Variants in HECW2 observed in about 807,000 individuals in gnomAD.
HECW2 encodes the protein HECT, C2 and WW domain containing E3 ubiquitin protein ligase 2.
A neutral mutation model predicts 175.2 loss-of-function variants in HECW2; 61 were observed. That is an observed-to-expected ratio of 0.35 (90% confidence interval 0.28 to 0.43). The LOEUF is 0.43. Ranked by LOEUF, HECW2 falls within the 20% of genes least tolerant of loss-of-function variation. The pLI is 1.00. For missense variants in HECW2, 1,524 were observed against 2,000.5 expected (o/e 0.76, Z 4.54); for synonymous variants, 671 against 731.0 (o/e 0.92, Z 1.32).
intron 13 of HECW2, among the ~76,000 whole-genome samples, chr2:196,304,222 G>A (rs917252468): frequency 6.6e-6 from 1 of 152,112 alleles, no homozygotes. Context: ...GCACTTCCTT[G>A]GCAAGGCAGG....
At chr2:196,277,480 G>A (rs111830002) in intron 15 of HECW2, among the ~76,000 whole-genome samples, 2,196 of 152,226 alleles carry the variant, frequency 0.014, 52 homozygotes, top group African/African-American at 0.051. Context: ...GAGACAATAG[G>A]TGCTGGAGAG....
chr2:196,266,439 C>T (rs1297407425), intron 17 of HECW2, among the ~76,000 whole-genome samples: 1 of 152,096 alleles, frequency 6.6e-6, no homozygotes, highest in Non-Finnish European at 1.5e-5. Context: ...TCCAGATTTG[C>T]TATTATTTAA....
At chr2:196,585,711 A>C (rs1690949391) in intron 1 of HECW2, among the ~76,000 whole-genome samples, 1 of 152,084 alleles carries the variant, frequency 6.6e-6, no homozygotes, top group African/African-American at 2.4e-5. Context: ...GAGAGGAAAA[A>C]ATGGAGGGAG....
intron 1 of HECW2, among the ~76,000 whole-genome samples, chr2:196,571,479 T>C (rs13408996): frequency 0.053 from 8,095 of 152,110 alleles, 706 homozygotes; most frequent in African/African-American, 0.18. Flanking sequence ...GAGGCCAAGG[T>C]GGGTGGATCA....
chr2:196,555,971 A>G (rs892168816), intron 1 of HECW2, among the ~76,000 whole-genome samples: 1 of 152,180 alleles, frequency 6.6e-6, no homozygotes, highest in African/African-American at 2.4e-5. Context: ...TATGTGATTC[A>G]ACTACAATCT....
chr2:196,415,588 G>A (rs528182434), intron 2 of HECW2, among the ~76,000 whole-genome samples: 2 of 95,254 alleles, frequency 2.1e-5, no homozygotes, highest in African/African-American at 4.0e-5. Context: ...CAATGTGCAC[G>A]CGCTGAATGC....
At chr2:196,517,144 TACAAGGAG>T (rs1688180403) in intron 1 of HECW2, among the ~76,000 whole-genome samples, 1 of 152,202 alleles carries the variant, frequency 6.6e-6, no homozygotes, top group East Asian at 1.9e-4. Flanking sequence ...CGCTCATTCA[TACAAGGAG>T]GCACTCATCT....
At chr2:196,332,946 A>G (rs1052853957) in intron 4 of HECW2, among the ~76,000 whole-genome samples, 6 of 152,160 alleles carry the variant, frequency 3.9e-5, no homozygotes, top group Non-Finnish European at 5.9e-5. Flanking sequence ...GTTTACTACA[A>G]TGGAAACTCA....
intron 28 of HECW2, among the ~76,000 whole-genome samples, chr2:196,201,813 A>G (rs1420984587): frequency 6.6e-6 from 1 of 151,898 alleles, no homozygotes; most frequent in Non-Finnish European, 1.5e-5. Context: ...GATACTCTGT[A>G]GTTATGCATT....
chr2:196,363,803 AAC>A, intron 2 of HECW2, among the ~76,000 whole-genome samples: 1 of 152,324 alleles, frequency 6.6e-6, no homozygotes, highest in African/African-American at 2.4e-5. Flanking sequence ...CAGCCTGGGC[AAC>A]AGAGTGAGAT....
At chr2:196,300,904 TGCA>T (rs1691024679) in intron 13 of HECW2, among the ~76,000 whole-genome samples, 1 of 152,014 alleles carries the variant, frequency 6.6e-6, no homozygotes. Flanking sequence ...GGGGTATGTG[TGCA>T]GGTTGTGCAG....
intron 17 of HECW2, among the ~76,000 whole-genome samples, chr2:196,267,135 G>C (rs1330928122): frequency 6.6e-6 from 1 of 152,194 alleles, no homozygotes; most frequent in Non-Finnish European, 1.5e-5. Context: ...TGCCTGGGGA[G>C]AGCTGGACTA....
chr2:196,202,362 T>G (rs994727028), intron 28 of HECW2, among the ~76,000 whole-genome samples: 2 of 152,176 alleles, frequency 1.3e-5, no homozygotes, highest in African/African-American at 4.8e-5. Context: ...CTGGATGCAG[T>G]GTAATGTAGT....
intron 16 of HECW2, among the ~76,000 whole-genome samples, chr2:196,271,564 A>G (rs1265259563): frequency 6.6e-6 from 1 of 152,112 alleles, no homozygotes; most frequent in Non-Finnish European, 1.5e-5. Context: ...CTAGGATTAC[A>G]GGTGTAAGCC....
At chr2:196,526,525 T>C (rs1344929414) in intron 1 of HECW2, among the ~76,000 whole-genome samples, 4 of 152,014 alleles carry the variant, frequency 2.6e-5, no homozygotes, top group Admixed American at 6.5e-5. Flanking sequence ...TGGTGAGGAA[T>C]TGTGTTCCTT....
At chr2:196,278,729 C>G in intron 14 of HECW2, 67 bp from the exon 15 acceptor site, 1 of 1,565,764 alleles carries the variant, frequency 6.4e-7, no homozygotes, top group Middle Eastern at 1.7e-4. Flanking sequence ...TAACATCAGA[C>G]GGTCAGGAAA....
At chr2:196,508,526 G>A (rs983083547) in intron 1 of HECW2, among the ~76,000 whole-genome samples, 4 of 152,222 alleles carry the variant, frequency 2.6e-5, no homozygotes, top group African/African-American at 9.6e-5. Flanking sequence ...TGTGTGCAGA[G>A]AGTTGTGTGT....
At chr2:196,358,554 C>A (rs1419193655) in intron 2 of HECW2, among the ~76,000 whole-genome samples, 1 of 116,894 alleles carries the variant, frequency 8.6e-6, no homozygotes, top group East Asian at 2.7e-4. Flanking sequence ...CCACTGCACT[C>A]CAGCCTGGGA....
At chr2:196,573,230 A>G (rs1035353991) in intron 1 of HECW2, among the ~76,000 whole-genome samples, 2 of 151,242 alleles carry the variant, frequency 1.3e-5, no homozygotes, top group African/African-American at 4.9e-5. Flanking sequence ...TCTCCATAAA[A>G]GCAATAAGAA....
Sources: allele counts gnomAD v4.1 joint callset (sites outside exome capture counted in the v4.1 genomes callset), GRCh38; gene constraint gnomAD v4.1.1; transcripts MANE v1.5; gene names NCBI Gene and HGNC (gene_info 2026-07-23, HGNC 2026-07-21).